Variants in TMEM175 observed in about 807,000 individuals in gnomAD.
TMEM175 encodes endosomal/lysosomal proton channel TMEM175.
Under a neutral mutation model 36.5 loss-of-function variants are expected in TMEM175, and 36 were observed. The observed-to-expected ratio is 0.99, with a 90% CI of 0.76 to 1.30. The LOEUF (loss-of-function observed/expected upper bound fraction) is 1.30, where lower values mean the gene tolerates loss of function less well. Among genes scored for constraint, TMEM175 ranks in the 50% most tolerant of loss-of-function variants. The pLI is 0.00. For synonymous variants in TMEM175, 339 were observed against 313.4 expected (o/e 1.08, Z -0.86); for missense variants, 705 against 692.8 (o/e 1.02, Z -0.20).
In TMEM175 at chr4:950,574, C is replaced by T. The variant is rs1011496772; in HGVS notation, c.290+56C>T. 38 of 1,316,390 alleles carry T rather than the reference C, an allele frequency of 2.9e-5. No individual in the cohort carries two copies. In the Middle Eastern group the frequency reaches 6.0e-4, roughly 21 times the overall value. 81.5% of individuals were successfully genotyped at this position (1,316,390 alleles called of 1,614,324 possible). On this transcript the variant is annotated intron_variant, in intron 4 of 10. Coordinates refer to ENST00000264771, the MANE Select transcript of TMEM175 (RefSeq NM_032326.4). ...AGCTGCTCTCAAGGTTCCCGTACCC[C>T]GCACCACATCACGCACGGGTCCATG...
chr4:952,011 A>G (rs1728954189), intron 6 of TMEM175: 2 of 585,240 alleles, frequency 3.4e-6, no homozygotes, highest in Non-Finnish European at 6.1e-6. Flanking sequence ...CAGCCCCTAC[A>G]GCCTCCGACC....
intron 3 of TMEM175, among the ~76,000 whole-genome samples, chr4:949,831 A>C (rs910004023): frequency 2.6e-5 from 4 of 151,910 alleles, no homozygotes; most frequent in African/African-American, 9.7e-5. Context: ...GGAATTGCCT[A>C]CCTAGGCAGT....
At chr4:941,517 C>T (rs1490060619) in intron 1 of TMEM175, among the ~76,000 whole-genome samples, 2 of 150,990 alleles carry the variant, frequency 1.3e-5, no homozygotes, top group African/African-American at 2.4e-5. Flanking sequence ...CGGCTCACGG[C>T]AGCGTCTGCC....
chr4:944,513 C>T (rs1727893425), intron 1 of TMEM175, among the ~76,000 whole-genome samples: 1 of 152,108 alleles, frequency 6.6e-6, no homozygotes, highest in South Asian at 2.1e-4. Context: ...CCCGCCCCTC[C>T]CTGCCTGGGT....
intron 6 of TMEM175, 163 bp downstream of exon 6, chr4:951,880 T>G: frequency 1.3e-6 from 1 of 750,340 alleles, no homozygotes; most frequent in Non-Finnish European, 2.2e-6. Context: ...TGTTGGGGGC[T>G]TCTTTCAGGC....
intron 1 of TMEM175, among the ~76,000 whole-genome samples, chr4:936,075 G>A (rs1383654538): frequency 6.6e-6 from 1 of 152,122 alleles, no homozygotes; most frequent in Non-Finnish European, 1.5e-5. Context: ...AAGTTGGCTG[G>A]GCACGGTAGC....
intron 1 of TMEM175, among the ~76,000 whole-genome samples, chr4:937,974 A>T (rs1200163596): frequency 2.0e-5 from 3 of 151,894 alleles, no homozygotes; most frequent in Admixed American, 2.0e-4. Flanking sequence ...ATTTGACAGA[A>T]TCCAACATCC....
chr4:941,586 G>A (rs763230964), intron 1 of TMEM175, among the ~76,000 whole-genome samples: 2 of 151,660 alleles, frequency 1.3e-5, no homozygotes, highest in Non-Finnish European at 2.9e-5. Flanking sequence ...TTACAGACGC[G>A]TACCACCACA....
Position 944,030 on chromosome 4 carries a change from C to T in TMEM175, c.-31-3679C>T, listed in dbSNP as rs772898931. On this transcript the variant is annotated intron_variant, in intron 1 of 10. Coordinates refer to ENST00000264771, the MANE Select transcript of TMEM175 (RefSeq NM_032326.4). ...AAAATTGGCTGGGTGCAGTGGCTCA[C>T]GCATGCAATCCCAGCATTTCGGGAG... Among the ~76,000 whole-genome samples the T allele has an allele frequency of 6.6e-5, 10 of 152,310 alleles. No homozygotes were observed. The South Asian group carries it at 1.7e-3, about 25-fold the overall frequency.
intron 1 of TMEM175, among the ~76,000 whole-genome samples, chr4:935,585 T>C (rs970583466): frequency 1.2e-4 from 18 of 152,248 alleles, no homozygotes; most frequent in African/African-American, 4.1e-4. Context: ...TGGAGAATAT[T>C]CTTTCTCAAT....
intron 1 of TMEM175, among the ~76,000 whole-genome samples, chr4:940,199 A>T (rs188471237): frequency 6.8e-4 from 103 of 152,378 alleles, no homozygotes; most frequent in African/African-American, 2.1e-3. Context: ...CTGTAATCCC[A>T]GCACTTTCGG....
chr4:952,060 A>C (rs1221303187), intron 6 of TMEM175: 2 of 581,470 alleles, frequency 3.4e-6, no homozygotes, highest in East Asian at 5.7e-5. Flanking sequence ...AGTGCCTCCA[A>C]ATTCTGGCAG....
intron 1 of TMEM175, among the ~76,000 whole-genome samples, chr4:937,620 A>C (rs528694729): frequency 6.6e-6 from 1 of 152,346 alleles, no homozygotes; most frequent in Non-Finnish European, 1.5e-5. Flanking sequence ...CTAAACATTG[A>C]AGGAAGAAAT....
intron 1 of TMEM175, among the ~76,000 whole-genome samples, chr4:936,802 C>A (rs899025535): frequency 5.3e-5 from 8 of 152,048 alleles, no homozygotes; most frequent in African/African-American, 1.7e-4. Flanking sequence ...AAAAAAGATA[C>A]AAAAATTAGC....
At chr4:947,240 G>A (rs1019727975) in intron 1 of TMEM175, among the ~76,000 whole-genome samples, 1 of 144,090 alleles carries the variant, frequency 6.9e-6, no homozygotes, top group African/African-American at 2.6e-5. Context: ...GTGTGCACGG[G>A]CCCCGAGAGC....
chr4:944,777 A>G (rs1416537228), intron 1 of TMEM175, among the ~76,000 whole-genome samples: 1 of 152,114 alleles, frequency 6.6e-6, no homozygotes, highest in Non-Finnish European at 1.5e-5. Context: ...TTTGTCCCTT[A>G]CTAGTCAGAA....
At chr4:951,149 T>C (rs1252007697) in intron 4 of TMEM175, 58 bp from the exon 5 acceptor site, 1 of 1,449,220 alleles carries the variant, frequency 6.9e-7, no homozygotes, top group Non-Finnish European at 9.7e-7. Context: ...AGAGTGTGTG[T>C]GCATTTAATG....
intron 1 of TMEM175, among the ~76,000 whole-genome samples, chr4:944,624 T>G (rs1239969491): frequency 1.3e-5 from 2 of 152,172 alleles, no homozygotes; most frequent in Non-Finnish European, 2.9e-5. Context: ...AGAAGATAGA[T>G]GGTTTTATGT....
At chr4:940,927 A>T (rs1268180033) in intron 1 of TMEM175, among the ~76,000 whole-genome samples, 1 of 151,352 alleles carries the variant, frequency 6.6e-6, no homozygotes, top group East Asian at 1.9e-4. Context: ...AATCGCTTGA[A>T]CCCAGGAGTC....
Sources: gnomAD v4.1 joint callset for allele counts (sites outside exome capture counted in the v4.1 genomes callset) on GRCh38, gnomAD v4.1.1 for gene constraint, MANE v1.5 for transcripts, NCBI Gene and HGNC (gene_info 2026-07-23, HGNC 2026-07-21) for gene names.